The following CACNA1C variants were observed in gnomAD, a reference collection of about 807,000 sequenced individuals.
CACNA1C encodes the protein calcium voltage-gated channel subunit alpha1 C, also known as voltage-dependent L-type calcium channel subunit alpha-1C.
CACNA1C carries 30 observed loss-of-function variants against 229.0 expected under a neutral mutation model. The observed-to-expected ratio is 0.13, with a 90% CI of 0.10 to 0.18. The LOEUF (loss-of-function observed/expected upper bound fraction) is 0.18, where lower values mean the gene tolerates loss of function less well. Ranked by LOEUF, CACNA1C falls within the 10% of genes least tolerant of loss-of-function variation. CACNA1C has a pLI of 1.00. For synonymous variants in CACNA1C, 1,114 were observed against 1,132.5 expected, an observed-to-expected ratio of 0.98 and a Z score of 0.33; for missense variants, 1,658 against 2,845.0, an observed-to-expected ratio of 0.58 and a Z score of 9.49.
At chr12:2,071,012 C>CTCCT (rs1391925570) in intron 1 of CACNA1C, among the ~76,000 whole-genome samples, 1 of 117,966 alleles carries the variant, frequency 8.5e-6, no homozygotes, top group Admixed American at 9.2e-5. Context: ...CCTTCTCTTT[C>CTCCT]TCCTTCCTTC....
chr12:2,114,634 C>G lies in CACNA1C; in HGVS notation c.50-590C>G, dbSNP rs145652907. On this transcript the variant is annotated intron_variant, in intron 1 of 46. Transcript: ENST00000399655. ...GGATGTGACCTTACTCTAGTCCAGC[C>G]CTTCTCATTTTATTATATTTATTTT... 1.7e-3 allele frequency among the ~76,000 whole-genome samples: 263 copies of G among 152,178 alleles called. 5 individuals carry two copies. The highest frequency in any genetic ancestry group is 5.8e-3 in the African/African-American group (240 of 41,508).
At position 2,197,286 on chromosome 12, in the gene CACNA1C, G is replaced by A. The variant is rs78550778; in HGVS notation, c.477+76856G>A. Among the ~76,000 whole-genome samples the A allele has an allele frequency of 5.8e-4, 88 of 152,302 alleles. No homozygotes were observed. The East Asian group carries it at 0.015, about 27-fold the overall frequency. On this transcript the variant is annotated intron_variant, in intron 3 of 46. Transcript: ENST00000399655. ...GTGTGTAAACTGAGATTCCACACTT[G>A]GAAATGCATGTGTTCCTCTCTGGGA...
At chr12:2,209,805 C>G (rs1039200232) in intron 3 of CACNA1C, among the ~76,000 whole-genome samples, 10 of 152,158 alleles carry the variant, frequency 6.6e-5, no homozygotes, top group African/African-American at 2.4e-4. Flanking sequence ...TTTGTTTCCT[C>G]AAGAGCCAAG....
intron 3 of CACNA1C, among the ~76,000 whole-genome samples, chr12:2,283,007 T>C (rs1347422881): frequency 6.6e-6 from 1 of 150,954 alleles, no homozygotes; most frequent in African/African-American, 2.4e-5. Flanking sequence ...GTGGAGCCAA[T>C]AACACTCTGG....
chr12:2,503,884 C>T (rs1487806209), intron 7 of CACNA1C, among the ~76,000 whole-genome samples: 1 of 152,220 alleles, frequency 6.6e-6, no homozygotes, highest in African/African-American at 2.4e-5. Context: ...GCCCGCAGTA[C>T]GTGTGAAGCA....
chr12:2,183,207 G>T (rs2096892378), intron 3 of CACNA1C, among the ~76,000 whole-genome samples: 2 of 151,496 alleles, frequency 1.3e-5, no homozygotes, highest in Admixed American at 6.6e-5. Flanking sequence ...GAAATTAAAT[G>T]AGTTAATTTA....
At chr12:2,230,763 G>C (rs948503276) in intron 3 of CACNA1C, among the ~76,000 whole-genome samples, 1 of 152,234 alleles carries the variant, frequency 6.6e-6, no homozygotes, top group African/African-American at 2.4e-5. Context: ...AGTAACAGCA[G>C]CTAACCCTTC....
intron 4 of CACNA1C, among the ~76,000 whole-genome samples, chr12:2,450,128 A>G (rs1444780310): frequency 6.6e-6 from 1 of 152,224 alleles, no homozygotes; most frequent in Non-Finnish European, 1.5e-5. Flanking sequence ...CTTTCAAAAC[A>G]GCAATGCAAA....
chr12:2,682,460 ATGTGTGTGCG>A (rs2097196850), intron 42 of CACNA1C, 80 bp from the exon 43 acceptor site: 1 of 1,473,740 alleles, frequency 6.8e-7, no homozygotes, highest in Middle Eastern at 1.7e-4. Context: ...GTACACCTGC[ATGTGTGTGCG>A]TGTGTGATGC....
At chr12:2,193,842 C>T (rs1566289250) in intron 3 of CACNA1C, among the ~76,000 whole-genome samples, 1 of 152,202 alleles carries the variant, frequency 6.6e-6, no homozygotes, top group Non-Finnish European at 1.5e-5. Flanking sequence ...TCATTTTGTC[C>T]TCAGAGGAGG....
chr12:2,558,170 G>A (rs2045527049), intron 11 of CACNA1C, among the ~76,000 whole-genome samples: 1 of 152,168 alleles, frequency 6.6e-6, no homozygotes, highest in Admixed American at 6.5e-5. Flanking sequence ...GACGGAGCTG[G>A]ACACATGGCG....
At position 2,053,024 on chromosome 12, in the gene CACNA1C, C is replaced by A; in HGVS notation, c.-539C>A. On this transcript the variant is annotated 5_prime_UTR_variant, in exon 1 of 47. Transcript: ENST00000399655. The surrounding 1 kb of genome is among the most constrained non-coding windows in gnomAD (Gnocchi z 5.8). Reference sequence around the variant, plus strand: ...CTGCCTCTGCAGAAACAGCTCCTGCCAGAGCGGCGCTCGGCGCGGCGCGGC... The same window carrying A: ...CTGCCTCTGCAGAAACAGCTCCTGCAAGAGCGGCGCTCGGCGCGGCGCGGC... The A allele has an allele frequency of 1.0e-6, 1 of 984,314 alleles. No homozygotes were observed. The highest frequency in any genetic ancestry group is 1.2e-6 in the Non-Finnish European group (1 of 829,520). The allele number at this position is 984,314 out of a possible 1,614,324, so 61.0% of individuals were successfully genotyped here. A position where few individuals can be genotyped will look rare whatever the true frequency, so the allele number is the denominator to read the frequency against.
In CACNA1C at chr12:2,176,188, A is replaced by G. The variant is rs546682469; in HGVS notation, c.477+55758A>G. On this transcript the variant is annotated intron_variant, in intron 3 of 46. Transcript: ENST00000399655. ...AAGCAGGCTCAGGAGGTGACATTTAAGCAAACTCTTGAGAAGGTGAGAAAT... is the reference window on the plus strand; with the variant it reads ...AAGCAGGCTCAGGAGGTGACATTTAGGCAAACTCTTGAGAAGGTGAGAAAT... Among the ~76,000 whole-genome samples, 79 of 152,248 alleles carry G rather than the reference A, an allele frequency of 5.2e-4. 1 individual carries two copies. Among genetic ancestry groups the G allele is most frequent in the Non-Finnish European group, 5.9e-4 (40 of 68,014 alleles).
upstream of CACNA1C, chr12:2,048,690 C>G (rs909607612): frequency 3.9e-5 from 6 of 152,260 alleles, no homozygotes. Flanking sequence ...AGAAGGGACA[C>G]CTTGCAGACT....
Position 2,677,887 on chromosome 12 carries a change from A to G in CACNA1C, c.5091+20A>G, listed in dbSNP as rs1397993433. The G allele has an allele frequency of 6.2e-7, 1 of 1,613,106 alleles. No individual in the cohort carries two copies. Among genetic ancestry groups the G allele is most frequent in the South Asian group, 1.1e-5 (1 of 91,044 alleles). ...TTCAGGGTGGGTGGTGCCATGGCGCACTCTCGACCCCTATAAAGTTCAGTT... is the reference window on the plus strand; with the variant it reads ...TTCAGGGTGGGTGGTGCCATGGCGCGCTCTCGACCCCTATAAAGTTCAGTT... On this transcript the variant is annotated intron_variant, in intron 41 of 46. Coordinates refer to ENST00000399655, the MANE Select transcript of CACNA1C (RefSeq NM_000719.7). The surrounding 1 kb of genome is among the most constrained non-coding windows in gnomAD (Gnocchi z 7.4).
At chr12:2,051,651 G>T (rs940573962), upstream of CACNA1C, among the ~76,000 whole-genome samples, 2 of 152,286 alleles carry the variant, frequency 1.3e-5, no homozygotes, top group Middle Eastern at 3.4e-3. Flanking sequence ...TCTCCTGATG[G>T]ACTAGACGTG....
chr12:2,572,953 C>T (rs2056909355), intron 13 of CACNA1C, among the ~76,000 whole-genome samples: 1 of 65,082 alleles, frequency 1.5e-5, no homozygotes, highest in African/African-American at 4.9e-5. Flanking sequence ...TTCTCCTCTT[C>T]CTCTTCCTCC....
intron 3 of CACNA1C, among the ~76,000 whole-genome samples, chr12:2,138,932 G>T (rs1056642850): frequency 6.6e-6 from 1 of 150,392 alleles, no homozygotes; most frequent in Admixed American, 6.7e-5. Flanking sequence ...TGGCTTTGGT[G>T]CTGCCCTCTG....
At position 2,146,833 on chromosome 12, in the gene CACNA1C, A is replaced by G. The variant is rs76688128; in HGVS notation, c.477+26403A>G. Among the ~76,000 whole-genome samples, 665 of 150,908 alleles carry G rather than the reference A, an allele frequency of 4.4e-3. 7 individuals carry two copies. Among genetic ancestry groups the G allele is most frequent in the African/African-American group, 0.015 (615 of 41,344 alleles). On this transcript the variant is annotated intron_variant, in intron 3 of 46. Coordinates refer to ENST00000399655, the MANE Select transcript of CACNA1C (RefSeq NM_000719.7). ...TTGACTGTGATTTTTCAGGCCTTTAATCATCCAAGGTGAATGTCTAAGGGT... is the reference window on the plus strand; with the variant it reads ...TTGACTGTGATTTTTCAGGCCTTTAGTCATCCAAGGTGAATGTCTAAGGGT...
Sources: allele counts gnomAD v4.1 joint callset (sites outside exome capture counted in the v4.1 genomes callset), GRCh38; gene constraint gnomAD v4.1.1; non-coding constraint Gnocchi (gnomAD v3.1); transcripts MANE v1.5; gene names NCBI Gene and HGNC (gene_info 2026-07-23, HGNC 2026-07-21).